Variants in TFAM observed in about 807,000 individuals in gnomAD.
TFAM encodes the protein transcription factor A, mitochondrial, also known as mitochondrial transcription factor 1.
A neutral mutation model predicts 30.6 loss-of-function variants in TFAM; 13 were observed. That is an observed-to-expected ratio of 0.42 (90% CI 0.28 to 0.67). The LOEUF (loss-of-function observed/expected upper bound fraction) is 0.67. TFAM is among the 30% of genes least tolerant of loss of function. The pLI, the probability that TFAM is intolerant of heterozygous loss-of-function variation, is 0.21. For missense variants in TFAM, 231 were observed against 293.7 expected, an observed-to-expected ratio of 0.79 and a Z score of 1.56; for synonymous variants, 106 against 94.8, an observed-to-expected ratio of 1.12 and a Z score of -0.69.
At position 58,386,438 on chromosome 10, in the gene TFAM, C is replaced by A. The variant is rs1030945479; in HGVS notation, c.220+100C>A. On this transcript the variant is annotated intron_variant, in intron 2 of 6. Transcript: ENST00000487519. The stretch of plus-strand genomic sequence containing the variant: ...ATTGCAGTGCTAAAGCATTCAGTGA[C>A]TGCAGGAACAATCATTTGATGTCTG... 7.8e-6 allele frequency: 7 copies of A among 897,938 alleles called. No homozygotes were observed. In the African/African-American group the frequency reaches 9.9e-5, roughly 13 times the overall value. 55.6% of individuals were successfully genotyped at this position (897,938 alleles called of 1,614,324 possible).
At position 58,397,944 on chromosome 10, in the gene TFAM, A is replaced by G. The variant is rs1840718738; in HGVS notation, c.*2870A>G. On this transcript the variant is annotated 3_prime_UTR_variant, in exon 7 of 7. Coordinates refer to ENST00000487519, the MANE Select transcript of TFAM (RefSeq NM_003201.3). The stretch of plus-strand genomic sequence containing the variant: ...AATTTTTGTATTTTTTTTTTAATCA[A>G]GATGGGATCTTGCTATGTTGCCCAG... The G allele has an allele frequency of 6.6e-6, 1 of 152,054 alleles. No individual in the cohort carries two copies. The highest frequency in any genetic ancestry group is 2.4e-5 in the African/African-American group (1 of 41,322). The allele number at this position is 152,054 out of a possible 1,614,324, so 9.4% of individuals were successfully genotyped here. A position where few individuals can be genotyped will look rare whatever the true frequency, so the allele number is the denominator to read the frequency against.
At chr10:58,391,167 G>A (rs931428612) in intron 5 of TFAM, among the ~76,000 whole-genome samples, 2 of 151,876 alleles carry the variant, frequency 1.3e-5, no homozygotes, top group Non-Finnish European at 2.9e-5. Flanking sequence ...ACTGTTTTAC[G>A]ATCACTAGAA....
chr10:58,392,950 T>C (rs544790365), intron 5 of TFAM, among the ~76,000 whole-genome samples: 12 of 151,594 alleles, frequency 7.9e-5, no homozygotes, highest in African/African-American at 2.7e-4. Flanking sequence ...GTGCTGGGAT[T>C]ACAGATGTGA....
intron 5 of TFAM, among the ~76,000 whole-genome samples, chr10:58,393,470 A>G (rs1840630895): frequency 6.6e-6 from 1 of 152,216 alleles, no homozygotes; most frequent in Admixed American, 6.5e-5. Context: ...AGTTACCACT[A>G]ATGCATCTGC....
chr10:58,394,980 AGTCTT>A lies in TFAM; in HGVS notation c.649_653del (p.Ser217GlyfsTer6). The stretch of plus-strand genomic sequence containing the variant: ...GAAACTCGTTATCATAATGAAATGA[AGTCTT>A]GGGAAGAACAAATGATTGAAGTTGG... On this transcript the variant is annotated frameshift_variant, in exon 7 of 7. Coordinates refer to ENST00000487519, the MANE Select transcript of TFAM (RefSeq NM_003201.3). LOFTEE classifies it low-confidence loss of function (END_TRUNC). 6.2e-7 allele frequency: 1 copy of A among 1,613,822 alleles called. No homozygotes were observed. Among genetic ancestry groups the A allele is most frequent in the Non-Finnish European group, 8.5e-7 (1 of 1,179,802 alleles).
intron 5 of TFAM, 74 bp downstream of exon 5, chr10:58,390,934 G>A (rs1840580504): frequency 1.5e-6 from 2 of 1,331,348 alleles, no homozygotes. Context: ...CATGTGTCAG[G>A]TAGTGAAGAA....
intron 6 of TFAM, 92 bp downstream of exon 6, chr10:58,394,506 T>C (rs1272424790): frequency 9.6e-7 from 1 of 1,043,668 alleles, no homozygotes; most frequent in South Asian, 1.3e-5. Flanking sequence ...GAAGACAACC[T>C]TGTATTACTA....
intron 2 of TFAM, 95 bp from the exon 3 acceptor site, chr10:58,388,095 T>C (rs899880539): frequency 2.3e-6 from 2 of 878,362 alleles, no homozygotes; most frequent in Admixed American, 1.9e-5. Flanking sequence ...TATTAAGTTA[T>C]GTGTGGTATG....
chr10:58,393,102 G>GC (rs1486775770), intron 5 of TFAM, among the ~76,000 whole-genome samples: 2 of 151,808 alleles, frequency 1.3e-5, no homozygotes, highest in African/African-American at 4.8e-5. Context: ...GCCTCAGCCT[G>GC]CCTAGTAGCT....
intron 5 of TFAM, 143 bp downstream of exon 5, chr10:58,391,003 T>C (rs1415769250): frequency 1.3e-6 from 1 of 754,380 alleles, no homozygotes; most frequent in Non-Finnish European, 2.1e-6. Flanking sequence ...AAGAAAAATC[T>C]TTTTTCTTAC....
chr10:58,386,902 TA>T (rs900916182), intron 2 of TFAM, among the ~76,000 whole-genome samples: 81 of 146,796 alleles, frequency 5.5e-4, no homozygotes, highest in Middle Eastern at 3.5e-3. Context: ...CTTGGGTTCC[TA>T]AAAAAAAAAC....
rs1422826198 is a variant in TFAM at position 58,397,905 on chromosome 10, C to T, written c.*2831C>T. ...CGTTGGGACTACAGTAGGTGAACAC[C>T]ACCATGCCTGGCTAATTTTTGTATT... On this transcript the variant is annotated 3_prime_UTR_variant, in exon 7 of 7. Coordinates refer to ENST00000487519, the MANE Select transcript of TFAM (RefSeq NM_003201.3). 3 of 151,316 alleles carry T rather than the reference C, an allele frequency of 2.0e-5. No homozygotes were observed. The highest frequency in any genetic ancestry group is 7.3e-5 in the African/African-American group (3 of 41,104). 9.4% of individuals were successfully genotyped at this position (151,316 alleles called of 1,614,324 possible).
rs1312457893 is a variant in TFAM, at chr10:58,397,652, A to G, written c.*2578A>G. 2 of 152,196 alleles carry G rather than the reference A, an allele frequency of 1.3e-5. No individual in the cohort carries two copies. The highest frequency in any genetic ancestry group is 2.4e-5 in the African/African-American group (1 of 41,438). The allele number at this position is 152,196 out of a possible 1,614,324, so 9.4% of individuals were successfully genotyped here. On this transcript the variant is annotated 3_prime_UTR_variant, in exon 7 of 7. Coordinates refer to ENST00000487519, the MANE Select transcript of TFAM (RefSeq NM_003201.3). Reference sequence around the variant, plus strand: ...AGTACATGTGGAAGACTGGCATGCCATATACCAAATGCCATTCAGCTGTAA... The same window carrying G: ...AGTACATGTGGAAGACTGGCATGCCGTATACCAAATGCCATTCAGCTGTAA...
At chr10:58,386,158 T>C (rs989705055) in intron 1 of TFAM, 62 bp from the exon 2 acceptor site, 10 of 1,047,510 alleles carry the variant, frequency 9.5e-6, no homozygotes, top group Non-Finnish European at 1.4e-5. Context: ...TGTGTTCATA[T>C]ACATGTGAAT....
intron 3 of TFAM, among the ~76,000 whole-genome samples, 170 bp from the exon 4 acceptor site, chr10:58,388,500 A>G (rs937370130): frequency 2.0e-5 from 3 of 152,224 alleles, no homozygotes; most frequent in Non-Finnish European, 2.9e-5. Flanking sequence ...TGATTAGTAT[A>G]TATAAGGAAA....
rs929538703 is a variant in TFAM at position 58,386,343 on chromosome 10, G to A, written c.220+5G>A. On this transcript the variant is annotated splice_donor_5th_base_variant and intron_variant, in intron 2 of 6. Coordinates refer to ENST00000487519, the MANE Select transcript of TFAM (RefSeq NM_003201.3). ...TATTTAAAGCTCAGAACCCAGGTAA[G>A]GAGTTTTGGGGCATATACCCTTTTC... 5 of 1,582,408 alleles carry A rather than the reference G, an allele frequency of 3.2e-6. No individual in the cohort carries two copies. Among genetic ancestry groups the A allele is most frequent in the Non-Finnish European group, 4.3e-6 (5 of 1,151,268 alleles).
intron 4 of TFAM, among the ~76,000 whole-genome samples, chr10:58,389,622 C>T (rs562703492): frequency 3.3e-5 from 5 of 152,222 alleles, no homozygotes; most frequent in South Asian, 2.1e-4. Context: ...ACCATGATGC[C>T]GCTACTTTAG....
rs893390410 is a variant in TFAM, at chr10:58,385,428, C to T, written c.-120C>T. On this transcript the variant is annotated 5_prime_UTR_variant, in exon 1 of 7. Transcript: ENST00000487519. ...ATTTCCCATAGTGCCTCGCTAGTGG[C>T]GGGCATGATAACACACGCCGGAGGG... The T allele has an allele frequency of 4.6e-5, 34 of 733,762 alleles. No homozygotes were observed. The highest frequency in any genetic ancestry group is 7.6e-5 in the Non-Finnish European group (32 of 423,258). 45.5% of individuals were successfully genotyped at this position (733,762 alleles called of 1,614,324 possible). A position where few individuals can be genotyped will look rare whatever the true frequency, so the allele number is the denominator to read the frequency against.
chr10:58,393,040 C>T (rs929036994), intron 5 of TFAM, among the ~76,000 whole-genome samples: 2 of 152,070 alleles, frequency 1.3e-5, no homozygotes, highest in African/African-American at 2.4e-5. Flanking sequence ...AGTGCAGTGG[C>T]GTGATCTCGG....
Sources: gnomAD v4.1 joint callset for allele counts (sites outside exome capture counted in the v4.1 genomes callset) on GRCh38, gnomAD v4.1.1 for gene constraint, MANE v1.5 for transcripts, NCBI Gene and HGNC (gene_info 2026-07-23, HGNC 2026-07-21) for gene names.